The following CDK14 variants were observed in gnomAD, a reference collection of about 807,000 sequenced individuals.
CDK14 encodes cyclin-dependent kinase 14.
CDK14 carries 34 observed loss-of-function variants against 60.7 expected under a neutral mutation model. The observed-to-expected ratio is 0.56, with a 90% CI of 0.43 to 0.75. The LOEUF (loss-of-function observed/expected upper bound fraction) is 0.75, where lower values mean the gene tolerates loss of function less well. Ranked by LOEUF, CDK14 falls within the 30% of genes least tolerant of loss-of-function variation. The pLI is 0.00. For synonymous variants in CDK14, 197 were observed against 203.7 expected, an observed-to-expected ratio of 0.97 and a Z score of 0.28; for missense variants, 482 against 564.1, an observed-to-expected ratio of 0.85 and a Z score of 1.47.
chr7:90,829,479 CA>C (rs1459811149), intron 5 of CDK14, among the ~76,000 whole-genome samples: 1 of 152,060 alleles, frequency 6.6e-6, no homozygotes, highest in Non-Finnish European at 1.5e-5. Context: ...AGAAATTGGC[CA>C]AAACCTAGGG....
intron 14 of CDK14, among the ~76,000 whole-genome samples, chr7:91,193,221 C>A (rs1272309195): frequency 6.6e-6 from 1 of 152,114 alleles, no homozygotes; most frequent in Non-Finnish European, 1.5e-5. Flanking sequence ...CATCGTAATC[C>A]TGAGGTTCTT....
At chr7:91,028,298 C>G (rs80147087) in intron 10 of CDK14, among the ~76,000 whole-genome samples, 1 of 151,684 alleles carries the variant, frequency 6.6e-6, no homozygotes, top group East Asian at 1.9e-4. Context: ...ACACACACAC[C>G]CCCCACATTT....
rs1253624022 is a variant in CDK14 at position 91,010,801 on chromosome 7, T to TTTCCTTCCTTCC, written c.1041+26582_1041+26593dup. Among the ~76,000 whole-genome samples the TTTCCTTCCTTCC allele has an allele frequency of 1.0e-4, 9 of 86,196 alleles. No homozygotes were observed. In the East Asian group the frequency reaches 1.2e-3, roughly 11 times the overall value. 56.5% of individuals were successfully genotyped at this position (86,196 alleles called of 152,430 possible). A position where few individuals can be genotyped will look rare whatever the true frequency, so the allele number is the denominator to read the frequency against. On this transcript the variant is annotated intron_variant, in intron 10 of 14. Coordinates refer to ENST00000380050, the MANE Select transcript of CDK14 (RefSeq NM_001287135.2). ...CCTTCCTTCTTTCCCTCCTTCCTTCTTTCCTTCCTTCCTTCCTTCCTTCCT... is the reference window on the plus strand; with the variant it reads ...CCTTCCTTCTTTCCCTCCTTCCTTCTTTCCTTCCTTCCTTCCTTCCTTCCTTCCTTCCTTCCT...
chr7:91,049,703 A>T lies in CDK14; in HGVS notation c.1105+3743A>T, dbSNP rs77988430. On this transcript the variant is annotated intron_variant, in intron 11 of 14. Coordinates refer to ENST00000380050, the MANE Select transcript of CDK14 (RefSeq NM_001287135.2). ...TAATTTCCCAGTAGTTATTTTTTAA[A>T]TAACTTATTTTTTAGTTAATGTCTA... Among the ~76,000 whole-genome samples, 1,391 of 152,356 alleles carry T rather than the reference A, an allele frequency of 9.1e-3. 9 individuals carry two copies. Among genetic ancestry groups the T allele is most frequent in the Middle Eastern group, 0.02 (6 of 294 alleles).
At chr7:91,061,279 G>C (rs1797776853) in intron 11 of CDK14, among the ~76,000 whole-genome samples, 1 of 152,154 alleles carries the variant, frequency 6.6e-6, no homozygotes, top group South Asian at 2.1e-4. Flanking sequence ...CTCTGCATTG[G>C]TTATTCTAGT....
At chr7:90,969,868 T>C (rs1189574845) in intron 9 of CDK14, among the ~76,000 whole-genome samples, 2 of 152,150 alleles carry the variant, frequency 1.3e-5, no homozygotes, top group Non-Finnish European at 2.9e-5. Flanking sequence ...ATGTTACCAG[T>C]CCAAATATTC....
chr7:90,619,676 T>G (rs1799727980), intron 2 of CDK14, among the ~76,000 whole-genome samples: 1 of 152,136 alleles, frequency 6.6e-6, no homozygotes, highest in Non-Finnish European at 1.5e-5. Context: ...TGAAGGCTGT[T>G]TTGGGGAATG....
chr7:91,079,807 G>A lies in CDK14; in HGVS notation c.1154+327G>A, dbSNP rs73400903. On this transcript the variant is annotated intron_variant, in intron 12 of 14. Coordinates refer to ENST00000380050, the MANE Select transcript of CDK14 (RefSeq NM_001287135.2). ...TAGCATTTAGAAAATATAATATAAT[G>A]ACTGACTTTCTAATATAAATGATGT... Among the ~76,000 whole-genome samples the A allele has an allele frequency of 7.8e-3, 1,191 of 152,250 alleles. 18 individuals carry two copies. Among genetic ancestry groups the A allele is most frequent in the African/African-American group, 0.026 (1,096 of 41,534 alleles).
intron 11 of CDK14, among the ~76,000 whole-genome samples, chr7:91,060,608 C>G (rs978469730): frequency 1.3e-5 from 2 of 152,196 alleles, no homozygotes; most frequent in African/African-American, 2.4e-5. Context: ...GTGACAAAAT[C>G]TCTCAGCATT....
chr7:91,147,132 CCTCT>C (rs1293938441), intron 14 of CDK14, among the ~76,000 whole-genome samples: 9 of 52,014 alleles, frequency 1.7e-4, no homozygotes, highest in African/African-American at 6.3e-4. Flanking sequence ...TCCACTAGCA[CCTCT>C]CTCTGTCTCT....
At chr7:91,104,268 C>T (rs1799224433) in intron 12 of CDK14, among the ~76,000 whole-genome samples, 1 of 152,104 alleles carries the variant, frequency 6.6e-6, no homozygotes, top group African/African-American at 2.4e-5. Context: ...ACTCAGTGAC[C>T]TGCGATAGAA....
At chr7:90,670,508 T>C (rs1364774030) in intron 2 of CDK14, among the ~76,000 whole-genome samples, 3 of 152,214 alleles carry the variant, frequency 2.0e-5, no homozygotes, top group African/African-American at 7.2e-5. Flanking sequence ...AAAAGAGGTT[T>C]AATTGGCTCA....
intron 14 of CDK14, among the ~76,000 whole-genome samples, chr7:91,165,996 G>A (rs1218553453): frequency 6.6e-6 from 1 of 152,216 alleles, no homozygotes; most frequent in Non-Finnish European, 1.5e-5. Context: ...TGAGAGAACA[G>A]TTTTCAGTAT....
chr7:90,878,464 T>G (rs1475015291), intron 6 of CDK14, among the ~76,000 whole-genome samples: 1 of 152,202 alleles, frequency 6.6e-6, no homozygotes, highest in African/African-American at 2.4e-5. Context: ...TGTCCAGTCT[T>G]GCTCTCTTTT....
At chr7:90,866,358 A>G (rs1791187309) in intron 6 of CDK14, among the ~76,000 whole-genome samples, 1 of 152,086 alleles carries the variant, frequency 6.6e-6, no homozygotes, top group Non-Finnish European at 1.5e-5. Context: ...GTATTTCAGA[A>G]TTATTAACAT....
At chr7:90,841,364 C>G (rs1790284330) in intron 5 of CDK14, among the ~76,000 whole-genome samples, 1 of 151,880 alleles carries the variant, frequency 6.6e-6, no homozygotes, top group Admixed American at 6.6e-5. Context: ...TATGTTAATA[C>G]TAGGGGAACC....
intron 5 of CDK14, among the ~76,000 whole-genome samples, chr7:90,818,023 C>G (rs985295925): frequency 1.3e-5 from 2 of 152,152 alleles, no homozygotes; most frequent in Non-Finnish European, 2.9e-5. Context: ...GCTCTTAACA[C>G]TAGGAAGTGC....
At chr7:90,744,643 AC>A (rs1397084988) in intron 3 of CDK14, among the ~76,000 whole-genome samples, 60 of 145,262 alleles carry the variant, frequency 4.1e-4, no homozygotes, top group African/African-American at 1.5e-3. Context: ...CCGGGGGCTG[AC>A]CCCCCCACCT....
At chr7:91,029,774 T>A (rs1796707427) in intron 10 of CDK14, among the ~76,000 whole-genome samples, 1 of 152,228 alleles carries the variant, frequency 6.6e-6, no homozygotes, top group Non-Finnish European at 1.5e-5. Flanking sequence ...ACTTTGATTT[T>A]GTAACTGAAT....
Sources: gnomAD v4.1 joint callset for allele counts (sites outside exome capture counted in the v4.1 genomes callset) on GRCh38, gnomAD v4.1.1 for gene constraint, MANE v1.5 for transcripts, NCBI Gene and HGNC (gene_info 2026-07-23, HGNC 2026-07-21) for gene names.